KDM4C: variants seen among roughly 807,000 people sequenced by gnomAD.
The protein encoded by KDM4C is lysine-specific demethylase 4C.
KDM4C carries 81 observed loss-of-function variants against 129.3 expected under a neutral mutation model. The observed-to-expected ratio is 0.63, with a 90% CI of 0.52 to 0.75. The LOEUF (loss-of-function observed/expected upper bound fraction) is 0.75, where lower values mean the gene tolerates loss of function less well. Ranked by LOEUF, KDM4C falls within the 30% of genes least tolerant of loss-of-function variation. KDM4C has a pLI of 0.00. For missense variants in KDM4C, 1,457 were observed against 1,304.0 expected (o/e 1.12, Z -1.81); for synonymous variants, 573 against 456.1 (o/e 1.26, Z -3.26).
At chr9:6,892,501 C>T (rs1049606705) in intron 7 of KDM4C, among the ~76,000 whole-genome samples, 1 of 152,086 alleles carries the variant, frequency 6.6e-6, no homozygotes, top group African/African-American at 2.4e-5. Flanking sequence ...TTTAATTATA[C>T]TTAAAAATGC....
intron 1 of KDM4C, among the ~76,000 whole-genome samples, chr9:6,774,806 A>G (rs1355061686): frequency 3.3e-5 from 5 of 152,210 alleles, no homozygotes; most frequent in African/African-American, 9.7e-5. Flanking sequence ...ATTCACCCAG[A>G]TATCACTGTA....
At chr9:6,796,257 C>G (rs1247825571) in intron 2 of KDM4C, among the ~76,000 whole-genome samples, 1 of 152,100 alleles carries the variant, frequency 6.6e-6, no homozygotes, top group Non-Finnish European at 1.5e-5. Flanking sequence ...CCAGCCTGGC[C>G]AACATGGTGA....
At chr9:6,796,385 G>T (rs1162986517) in intron 2 of KDM4C, among the ~76,000 whole-genome samples, 1 of 152,184 alleles carries the variant, frequency 6.6e-6, no homozygotes, top group Non-Finnish European at 1.5e-5. Flanking sequence ...GTGGAGGGCA[G>T]AGGTTGGGGA....
chr9:6,914,762 T>C (rs1248412960), intron 8 of KDM4C, among the ~76,000 whole-genome samples: 1 of 152,190 alleles, frequency 6.6e-6, no homozygotes, highest in African/African-American at 2.4e-5. Flanking sequence ...ATTCCTTCTA[T>C]CTCTTCTGCC....
chr9:6,758,098 A>G lies in KDM4C; in HGVS notation c.-123A>G. 1.0e-6 allele frequency: 1 copy of G among 985,502 alleles called. No homozygotes were observed. The highest frequency in any genetic ancestry group is 1.7e-5 in the African/African-American group (1 of 57,334). 61.0% of individuals were successfully genotyped at this position (985,502 alleles called of 1,614,324 possible). On this transcript the variant is annotated 5_prime_UTR_variant, in exon 1 of 22. Transcript: ENST00000381309. This position sits in a 1 kb window ranked among gnomAD's most constrained non-coding sequence, Gnocchi z 4.6. ...CGTGCGCAGCGAACAGCTGTCACCT[A>G]GTGCGGAACAAGTCTCCCAAATTTC...
intron 8 of KDM4C, among the ~76,000 whole-genome samples, chr9:6,912,877 A>AT (rs1040047567): frequency 4.0e-5 from 6 of 151,440 alleles, no homozygotes; most frequent in Non-Finnish European, 7.4e-5. Context: ...GGAAAAGAAT[A>AT]TTTTTTTTCA....
chr9:6,811,381 C>T lies in KDM4C; in HGVS notation c.321-3250C>T, dbSNP rs557881157. On this transcript the variant is annotated intron_variant, in intron 3 of 21. Coordinates refer to ENST00000381309, the MANE Select transcript of KDM4C (RefSeq NM_015061.6). ...TGTTGGCCAGGCTGGTCTCTAACTCCTGACCTCTGATCCGCCCACCTCGGC... is the reference window on the plus strand; with the variant it reads ...TGTTGGCCAGGCTGGTCTCTAACTCTTGACCTCTGATCCGCCCACCTCGGC... 3.3e-4 allele frequency among the ~76,000 whole-genome samples: 50 copies of T among 152,234 alleles called. 2 individuals are homozygous for T. The highest frequency in any genetic ancestry group is 2.7e-3 in the Admixed American group (42 of 15,286).
At chr9:6,810,148 C>T (rs550405908) in intron 3 of KDM4C, among the ~76,000 whole-genome samples, 29 of 152,174 alleles carry the variant, frequency 1.9e-4, no homozygotes, top group Non-Finnish European at 3.8e-4. Flanking sequence ...TCCTCTCTAG[C>T]CCATTTGATT....
At chr9:7,080,097 C>G (rs559619983) in intron 17 of KDM4C, among the ~76,000 whole-genome samples, 2 of 152,268 alleles carry the variant, frequency 1.3e-5, no homozygotes, top group South Asian at 4.2e-4. Context: ...TGTACCTTAT[C>G]CACTAGGCAT....
At chr9:6,966,773 C>T (rs1257411162) in intron 8 of KDM4C, among the ~76,000 whole-genome samples, 1 of 152,224 alleles carries the variant, frequency 6.6e-6, no homozygotes, top group South Asian at 2.1e-4. Context: ...TGAACCTCAC[C>T]ATACACAACT....
intron 1 of KDM4C, among the ~76,000 whole-genome samples, chr9:6,766,494 G>C (rs1820652035): frequency 6.7e-6 from 1 of 150,082 alleles, no homozygotes; most frequent in Non-Finnish European, 1.5e-5. Flanking sequence ...CATTTTAGTG[G>C]AGTTCATAGT....
At chr9:7,036,819 T>C (rs1457248613) in intron 15 of KDM4C, among the ~76,000 whole-genome samples, 1 of 152,218 alleles carries the variant, frequency 6.6e-6, no homozygotes, top group Non-Finnish European at 1.5e-5. Context: ...TCATTCACTG[T>C]GTTGCTCAGG....
rs907557844 is a variant in KDM4C, at chr9:6,847,678, C to T, written c.436-1829C>T. ...GTGCTGGGATTACAGGCGTGAGTCTCCGCGCCCGGCCGGATCTTCTCTAAA... is the reference window on the plus strand; with the variant it reads ...GTGCTGGGATTACAGGCGTGAGTCTTCGCGCCCGGCCGGATCTTCTCTAAA... On this transcript the variant is annotated intron_variant, in intron 4 of 21. Transcript: ENST00000381309. Among the ~76,000 whole-genome samples the T allele has an allele frequency of 2.3e-4, 35 of 152,298 alleles. 4 individuals are homozygous for T. The highest frequency in any genetic ancestry group is 1.7e-3 in the Admixed American group (26 of 15,304).
At chr9:7,075,874 G>A (rs1418944283) in intron 17 of KDM4C, among the ~76,000 whole-genome samples, 4 of 151,826 alleles carry the variant, frequency 2.6e-5, no homozygotes, top group African/African-American at 9.7e-5. Flanking sequence ...GTGCAGTGGT[G>A]TGATCCATTC....
intron 2 of KDM4C, among the ~76,000 whole-genome samples, chr9:6,804,653 G>T (rs1829635780): frequency 6.6e-6 from 1 of 151,616 alleles, no homozygotes; most frequent in Non-Finnish European, 1.5e-5. Flanking sequence ...GGCTACTTGG[G>T]AGCCTGAGGT....
chr9:6,741,480 C>T (rs1242036930), intron 1 of KDM4C, among the ~76,000 whole-genome samples: 1 of 152,038 alleles, frequency 6.6e-6, no homozygotes, highest in South Asian at 2.1e-4. Flanking sequence ...GGTATTTAGC[C>T]TTTTTATTGT....
intron 8 of KDM4C, among the ~76,000 whole-genome samples, chr9:6,967,676 A>G (rs1433391106): frequency 6.6e-6 from 1 of 152,100 alleles, no homozygotes; most frequent in East Asian, 1.9e-4. Context: ...ATCTCTTTTT[A>G]CTTTCTCTGC....
intron 8 of KDM4C, among the ~76,000 whole-genome samples, chr9:6,952,086 A>G (rs1828254548): frequency 6.6e-6 from 1 of 152,166 alleles, no homozygotes; most frequent in Non-Finnish European, 1.5e-5. Flanking sequence ...TGATACTGTA[A>G]ACTGATTTAA....
chr9:6,964,503 G>C (rs1310526539), intron 8 of KDM4C, among the ~76,000 whole-genome samples: 2 of 152,068 alleles, frequency 1.3e-5, no homozygotes, highest in African/African-American at 4.8e-5. Flanking sequence ...ATGGACATTT[G>C]GATTGGTTCC....
Sources: gnomAD v4.1 joint callset for allele counts (sites outside exome capture counted in the v4.1 genomes callset) on GRCh38, gnomAD v4.1.1 for gene constraint, Gnocchi (gnomAD v3.1) non-coding constraint, MANE v1.5 for transcripts, NCBI Gene and HGNC (gene_info 2026-07-23, HGNC 2026-07-21) for gene names.